The following PRSS3 variants were observed in gnomAD, a reference collection of about 807,000 sequenced individuals.
PRSS3 encodes the protein trypsin-3.
In PRSS3, 14 loss-of-function variants were observed where a neutral mutation model predicts 20.8. That is an observed-to-expected ratio of 0.67 (90% CI 0.44 to 1.05). The LOEUF (loss-of-function observed/expected upper bound fraction) is 1.05. PRSS3 is among the 50% of genes least tolerant of loss of function. PRSS3 has a pLI of 0.00. For synonymous variants in PRSS3, 91 were observed against 117.6 expected (o/e 0.77, Z 1.46); for missense variants, 237 against 306.4 (o/e 0.77, Z 1.69).
At chr9:33,798,837 C>A in intron 4 of PRSS3, 191 bp from the exon 5 acceptor site, 2 of 1,043,152 alleles carry the variant, frequency 1.9e-6, no homozygotes, top group African/African-American at 1.6e-5. Flanking sequence ...TGCAGTGCCC[C>A]CATTGGGAAA....
chr9:33,789,427 T>C (rs984765256), intron 1 of PRSS3, among the ~76,000 whole-genome samples: 3 of 152,230 alleles, frequency 2.0e-5, no homozygotes, highest in African/African-American at 7.2e-5. Flanking sequence ...AGGAATTTTT[T>C]TTAAATCCTT....
At chr9:33,792,785 A>G (rs1824693400), upstream of PRSS3, among the ~76,000 whole-genome samples, 1 of 152,272 alleles carries the variant, frequency 6.6e-6, no homozygotes, top group Non-Finnish European at 1.5e-5. Flanking sequence ...TACATGCTGT[A>G]TAGTAACATG....
intron 1 of PRSS3, among the ~76,000 whole-genome samples, chr9:33,760,889 A>G (rs1823169034): frequency 7.0e-6 from 1 of 143,304 alleles, no homozygotes; most frequent in Non-Finnish European, 1.6e-5. Flanking sequence ...GTGAGAAAAT[A>G]GAATTTAGTC....
chr9:33,772,936 A>T (rs568467629), intron 1 of PRSS3, among the ~76,000 whole-genome samples: 58 of 152,266 alleles, frequency 3.8e-4, no homozygotes, highest in Non-Finnish European at 7.4e-4. Context: ...CCTTCCATTC[A>T]TCTGGACATC....
At chr9:33,760,468 CG>C (rs1219308814) in intron 1 of PRSS3, among the ~76,000 whole-genome samples, 1 of 151,956 alleles carries the variant, frequency 6.6e-6, no homozygotes, top group African/African-American at 2.4e-5. Flanking sequence ...ATAAAGAGGC[CG>C]GGTGCGGTGG....
intron 1 of PRSS3, among the ~76,000 whole-genome samples, chr9:33,772,493 T>C (rs1685287660): frequency 6.6e-6 from 1 of 152,222 alleles, no homozygotes; most frequent in Non-Finnish European, 1.5e-5. Flanking sequence ...AACCTTGTAC[T>C]GTGACAGAGC....
intron 1 of PRSS3, among the ~76,000 whole-genome samples, chr9:33,780,195 A>G (rs1389968328): frequency 2.0e-5 from 3 of 152,124 alleles, no homozygotes; most frequent in Admixed American, 6.5e-5. Flanking sequence ...TACAGAGGAA[A>G]CCCCATCAGG....
intron 4 of PRSS3, 188 bp from the exon 5 acceptor site, chr9:33,798,840 T>A: frequency 9.6e-7 from 1 of 1,039,232 alleles, no homozygotes; most frequent in African/African-American, 1.6e-5. Context: ...AGTGCCCCCA[T>A]TGGGAAATGA....
intron 1 of PRSS3, among the ~76,000 whole-genome samples, chr9:33,770,772 G>T (rs73645521): frequency 0.016 from 2,368 of 152,218 alleles, 44 homozygotes; most frequent in South Asian, 0.069. Context: ...GAATGTAAAT[G>T]ATTGTTTAAT....
At chr9:33,798,674 CG>C in intron 4 of PRSS3, 52 bp downstream of exon 4, 1 of 1,612,790 alleles carries the variant, frequency 6.2e-7, no homozygotes, top group Non-Finnish European at 8.5e-7. Flanking sequence ...CAGGCCCCAC[CG>C]GGGAAAAAGA....
intron 1 of PRSS3, among the ~76,000 whole-genome samples, chr9:33,759,827 C>T (rs1011768952): frequency 1.3e-5 from 2 of 151,928 alleles, no homozygotes; most frequent in Admixed American, 6.6e-5. Context: ...GAAGAGGAAA[C>T]GGAAGTAAGG....
At chr9:33,763,784 A>T (rs1823310274) in intron 1 of PRSS3, among the ~76,000 whole-genome samples, 1 of 151,466 alleles carries the variant, frequency 6.6e-6, no homozygotes, top group South Asian at 2.1e-4. Flanking sequence ...CATATGGACG[A>T]TTGGCTGCAA....
intron 1 of PRSS3, among the ~76,000 whole-genome samples, chr9:33,761,125 T>C (rs1457348541): frequency 6.6e-6 from 1 of 152,208 alleles, no homozygotes; most frequent in Admixed American, 6.5e-5. Flanking sequence ...GACAGGGACA[T>C]GTTCTGAGAA....
At chr9:33,787,445 C>T (rs1824458479) in intron 1 of PRSS3, among the ~76,000 whole-genome samples, 1 of 152,278 alleles carries the variant, frequency 6.6e-6, no homozygotes, top group Middle Eastern at 3.4e-3. Flanking sequence ...AATATCTCCT[C>T]TAATGTGAGA....
intron 1 of PRSS3, among the ~76,000 whole-genome samples, chr9:33,770,525 T>C (rs1334095080): frequency 6.6e-6 from 1 of 152,218 alleles, no homozygotes. Flanking sequence ...GGGCTGAGTA[T>C]GCTCTCTCCA....
chr9:33,759,841 T>C (rs192141136), intron 1 of PRSS3, among the ~76,000 whole-genome samples: 1 of 152,244 alleles, frequency 6.6e-6, no homozygotes, highest in East Asian at 1.9e-4. Flanking sequence ...AGTAAGGGCT[T>C]ATGCAAGGAG....
chr9:33,755,740 T>C (rs1193579051), intron 1 of PRSS3, among the ~76,000 whole-genome samples: 2 of 152,134 alleles, frequency 1.3e-5, no homozygotes, highest in Non-Finnish European at 2.9e-5. Context: ...AGAACTCATC[T>C]CCAAGAACTC....
chr9:33,772,180 A>G (rs915142457), intron 1 of PRSS3, among the ~76,000 whole-genome samples: 10 of 152,108 alleles, frequency 6.6e-5, no homozygotes, highest in African/African-American at 2.4e-4. Context: ...CCCCCAGGCT[A>G]GTCTTAAAGG....
intron 1 of PRSS3, among the ~76,000 whole-genome samples, chr9:33,787,080 T>C (rs1394099245): frequency 6.6e-6 from 1 of 152,198 alleles, no homozygotes; most frequent in African/African-American, 2.4e-5. Context: ...CCTGGAAAGC[T>C]GAGGGTAAAA....
Sources: gnomAD v4.1 joint callset for allele counts (sites outside exome capture counted in the v4.1 genomes callset) on GRCh38, gnomAD v4.1.1 for gene constraint, MANE v1.5 for transcripts, NCBI Gene and HGNC (gene_info 2026-07-23, HGNC 2026-07-21) for gene names.